The following LRRC49 variants were observed in gnomAD, a reference collection of about 807,000 sequenced individuals.
The protein encoded by LRRC49 is leucine-rich repeat-containing protein 49.
Under a neutral mutation model 83.3 loss-of-function variants are expected in LRRC49, and 50 were observed. The ratio of observed to expected loss-of-function variants is 0.60; its 90% confidence interval spans 0.48 to 0.76. The LOEUF (loss-of-function observed/expected upper bound fraction) is 0.76. Ranked by LOEUF, LRRC49 falls within the 30% of genes least tolerant of loss-of-function variation. The pLI, the probability that LRRC49 is intolerant of heterozygous loss-of-function variation, is 0.00. For missense variants in LRRC49, 704 were observed against 809.1 expected (o/e 0.87, Z 1.58); for synonymous variants, 286 against 283.3 (o/e 1.01, Z -0.10).
At chr15:70,915,089 A>T (rs1046569864) in intron 6 of LRRC49, among the ~76,000 whole-genome samples, 1 of 152,074 alleles carries the variant, frequency 6.6e-6, no homozygotes, top group Non-Finnish European at 1.5e-5. Flanking sequence ...ACTTTATACA[A>T]CCCTTTGCCT....
chr15:70,998,253 GCA>G (rs2038141695), intron 11 of LRRC49, among the ~76,000 whole-genome samples: 1 of 152,054 alleles, frequency 6.6e-6, no homozygotes, highest in Non-Finnish European at 1.5e-5. Context: ...CTTTTATTAT[GCA>G]CCTGTGTAAT....
chr15:71,032,782 G>A lies in LRRC49; in HGVS notation c.1704-4397G>A, dbSNP rs201652485. Among the ~76,000 whole-genome samples, 15 of 152,188 alleles carry A rather than the reference G, an allele frequency of 9.9e-5. No individual in the cohort carries two copies. The South Asian group carries it at 2.1e-3, about 21-fold the overall frequency. ...AAACCACATGATTATCTCAATAGAC[G>A]CAGAAAAGGCCATTAATAAAATTTG... On this transcript the variant is annotated intron_variant, in intron 14 of 15. Coordinates refer to ENST00000260382, the MANE Select transcript of LRRC49 (RefSeq NM_017691.5).
intron 1 of LRRC49, among the ~76,000 whole-genome samples, chr15:70,863,670 G>A (rs561162785): frequency 2.2e-4 from 33 of 152,234 alleles, no homozygotes; most frequent in Non-Finnish European, 4.4e-4. Context: ...TGTCAGAAAA[G>A]ATGAGTGATT....
intron 5 of LRRC49, chr15:70,907,391 A>G (rs1351558862): frequency 6.6e-6 from 1 of 152,328 alleles, no homozygotes; most frequent in African/African-American, 2.4e-5. Flanking sequence ...CAGGTTCTGT[A>G]TGTGAGGTTT....
At chr15:70,997,618 G>C (rs1194454878) in intron 11 of LRRC49, among the ~76,000 whole-genome samples, 1 of 152,194 alleles carries the variant, frequency 6.6e-6, no homozygotes, top group Non-Finnish European at 1.5e-5. Context: ...AAGCGTGGTG[G>C]TGCATGCCTG....
rs7170786 is a variant in LRRC49, at chr15:71,023,037, C to T, written c.1703+10124C>T. On this transcript the variant is annotated intron_variant, in intron 14 of 15. Transcript: ENST00000260382. Reference sequence around the variant, plus strand: ...TCCCATATATTTGAATTAAGAAACACATTTCTAAATAACCCACAGGTTAAA... The same window carrying T: ...TCCCATATATTTGAATTAAGAAACATATTTCTAAATAACCCACAGGTTAAA... Among the ~76,000 whole-genome samples, 1,096 of 152,242 alleles carry T rather than the reference C, an allele frequency of 7.2e-3. 13 individuals carry two copies. The highest frequency in any genetic ancestry group is 0.025 in the African/African-American group (1,042 of 41,548).
chr15:70,856,797 G>A (rs533897750), intron 1 of LRRC49, among the ~76,000 whole-genome samples: 1 of 152,266 alleles, frequency 6.6e-6, no homozygotes, highest in South Asian at 2.1e-4. Context: ...GTCTAGCAGG[G>A]AGCCTTCATC....
At chr15:70,984,602 T>A (rs1359151973) in intron 11 of LRRC49, 1 of 161,098 alleles carries the variant, frequency 6.2e-6, no homozygotes, top group African/African-American at 2.4e-5. Context: ...AGTTACTTCC[T>A]ACTTCAGAAC....
chr15:71,011,755 C>T (rs541176784), intron 13 of LRRC49, among the ~76,000 whole-genome samples: 2 of 152,180 alleles, frequency 1.3e-5, no homozygotes, highest in South Asian at 4.2e-4. Context: ...TTTGAAGTCT[C>T]CTTAACTGTG....
At chr15:71,006,725 G>A (rs1433330383) in intron 11 of LRRC49, among the ~76,000 whole-genome samples, 1 of 152,124 alleles carries the variant, frequency 6.6e-6, no homozygotes, top group African/African-American at 2.4e-5. Flanking sequence ...TGTTTAGTAA[G>A]AGAGATATAG....
At chr15:70,855,126 G>T (rs761176491) in intron 1 of LRRC49, among the ~76,000 whole-genome samples, 18 of 152,072 alleles carry the variant, frequency 1.2e-4, no homozygotes, top group Non-Finnish European at 1.9e-4. Context: ...GAGGTCAAGA[G>T]ATCGAGACCA....
At position 71,012,818 on chromosome 15, in the gene LRRC49, T is replaced by A. The variant is rs2038697884; in HGVS notation, c.1608T>A (p.Asp536Glu). The A allele has an allele frequency of 6.2e-7, 1 of 1,610,040 alleles. No individual in the cohort carries two copies. Among genetic ancestry groups the A allele is most frequent in the African/African-American group, 1.3e-5 (1 of 74,776 alleles). Residue 536 changes from aspartate (D) to glutamate (E), a missense_variant, in exon 14 of 16, where the codon GAT becomes GAA. This residue lies in a region of LRRC49 where 275 missense variants were observed against 338.0 expected (regional missense o/e 0.81). Coordinates refer to ENST00000260382, the MANE Select transcript of LRRC49 (RefSeq NM_017691.5). The part of the protein sequence containing the change: ...KINGTEVTQN[D>E]MIMAERLFGI... ...TGTCTCTTCAGGTGACACAGAATGATATGATAATGGCTGAAAGGCTCTTTG... is the reference window on the plus strand; with the variant it reads ...TGTCTCTTCAGGTGACACAGAATGAAATGATAATGGCTGAAAGGCTCTTTG...
At chr15:70,998,697 C>G (rs1449157780) in intron 11 of LRRC49, among the ~76,000 whole-genome samples, 1 of 151,834 alleles carries the variant, frequency 6.6e-6, no homozygotes, top group African/African-American at 2.4e-5. Flanking sequence ...CATTGAGCCT[C>G]TTGGATATGT....
chr15:70,907,940 G>C, intron 5 of LRRC49: 1 of 456,008 alleles, frequency 2.2e-6, no homozygotes, highest in Non-Finnish European at 4.4e-6. Flanking sequence ...ACCAGTAGGG[G>C]CCTTCTAGGT....
At chr15:70,965,474 T>A (rs2036762747) in intron 9 of LRRC49, among the ~76,000 whole-genome samples, 1 of 152,108 alleles carries the variant, frequency 6.6e-6, no homozygotes, top group Non-Finnish European at 1.5e-5. Flanking sequence ...GTCTCTAAAG[T>A]CATCATTTTT....
chr15:70,913,938 T>A (rs1423703698), intron 6 of LRRC49, among the ~76,000 whole-genome samples: 6 of 152,098 alleles, frequency 3.9e-5, no homozygotes, highest in African/African-American at 1.4e-4. Context: ...ATGAAAAATG[T>A]CTGTTCCTTG....
chr15:70,917,434 A>T (rs2034828421), intron 6 of LRRC49, among the ~76,000 whole-genome samples: 1 of 152,106 alleles, frequency 6.6e-6, no homozygotes, highest in African/African-American at 2.4e-5. Flanking sequence ...CTGAGCAGAC[A>T]TTGGGATAAC....
intron 1 of LRRC49, chr15:70,854,232 G>T: frequency 2.5e-6 from 1 of 401,400 alleles, no homozygotes; most frequent in Non-Finnish European, 3.4e-6. Context: ...GCGGCGCCCC[G>T]CCCCGCGCCG....
chr15:70,883,903 G>C (rs2033334365), intron 2 of LRRC49, among the ~76,000 whole-genome samples: 1 of 152,110 alleles, frequency 6.6e-6, no homozygotes, highest in South Asian at 2.1e-4. Flanking sequence ...TGATCCGCCT[G>C]CCTCAGCCTC....
Sources: gnomAD v4.1 joint callset for allele counts (sites outside exome capture counted in the v4.1 genomes callset) on GRCh38, gnomAD v4.1.1 for gene constraint, gnomAD v4.1.1 regional missense constraint, MANE v1.5 for transcripts, NCBI Gene and HGNC (gene_info 2026-07-23, HGNC 2026-07-21) for gene names.